The following ATP10B variants were observed in gnomAD, a reference collection of about 807,000 sequenced individuals.
ATP10B encodes the protein phospholipid-transporting ATPase VB.
A neutral mutation model predicts 141.2 loss-of-function variants in ATP10B; 122 were observed. The ratio of observed to expected loss-of-function variants is 0.86; its 90% confidence interval spans 0.75 to 1.00. The LOEUF (loss-of-function observed/expected upper bound fraction) is 1.00, where lower values mean the gene tolerates loss of function less well. Among genes scored for constraint, ATP10B ranks in the 50% least tolerant of loss-of-function variants. The probability of loss-of-function intolerance (pLI) is 0.00; values close to 1 mark genes in which losing one functional copy is unlikely to be tolerated. For missense variants in ATP10B, 1,876 were observed against 1,825.3 expected, an observed-to-expected ratio of 1.03 and a Z score of -0.51; for synonymous variants, 685 against 692.0, an observed-to-expected ratio of 0.99 and a Z score of 0.16.
At chr5:160,843,565 C>T (rs1381125535) in intron 1 of ATP10B, among the ~76,000 whole-genome samples, 2 of 151,124 alleles carry the variant, frequency 1.3e-5, no homozygotes, top group South Asian at 4.2e-4. Flanking sequence ...GCTTACCATG[C>T]AACTTAAAAG....
chr5:160,805,458 G>T (rs1772705960), intron 1 of ATP10B, among the ~76,000 whole-genome samples: 1 of 152,190 alleles, frequency 6.6e-6, no homozygotes, highest in African/African-American at 2.4e-5. Flanking sequence ...TAAGCTGTCT[G>T]CTCATTTTAG....
chr5:160,659,654 G>A (rs965576188), intron 7 of ATP10B, among the ~76,000 whole-genome samples: 1 of 151,920 alleles, frequency 6.6e-6, no homozygotes, highest in Non-Finnish European at 1.5e-5. Flanking sequence ...CCACATGCAA[G>A]TAGAAGACTG....
intron 2 of ATP10B, among the ~76,000 whole-genome samples, chr5:160,751,156 GC>G (rs1768125976): frequency 6.6e-6 from 1 of 152,178 alleles, no homozygotes; most frequent in Admixed American, 6.5e-5. Flanking sequence ...ACAGCACCAG[GC>G]CTGAAGTGGA....
the ATP10B span, among the ~76,000 whole-genome samples, chr5:160,928,836 T>C: frequency 6.6e-6 from 1 of 152,196 alleles, no homozygotes; most frequent in South Asian, 2.1e-4. Flanking sequence ...CTATAGACTG[T>C]CCAGACAGGC....
At chr5:160,663,351 A>G (rs1299175654) in intron 7 of ATP10B, among the ~76,000 whole-genome samples, 2 of 152,164 alleles carry the variant, frequency 1.3e-5, no homozygotes, top group African/African-American at 2.4e-5. Flanking sequence ...TATGTTTATT[A>G]CAGCACTATT....
chr5:160,885,948 A>G, the ATP10B span, among the ~76,000 whole-genome samples: 1 of 152,176 alleles, frequency 6.6e-6, no homozygotes, highest in African/African-American at 2.4e-5. Context: ...TCATTTTTGT[A>G]TCCTCCACAG....
intron 24 of ATP10B, among the ~76,000 whole-genome samples, chr5:160,576,224 G>C (rs1160905694): frequency 1.3e-5 from 2 of 152,130 alleles, no homozygotes; most frequent in East Asian, 3.9e-4. Context: ...TATCAGTCAG[G>C]GGAGAAGAGT....
chr5:160,625,331 T>C (rs540360854), intron 13 of ATP10B, among the ~76,000 whole-genome samples: 1 of 152,322 alleles, frequency 6.6e-6, no homozygotes, highest in South Asian at 2.1e-4. Flanking sequence ...GATGCGTTTG[T>C]ATATCTAATC....
chr5:160,776,626 C>A (rs1414725120), intron 2 of ATP10B, among the ~76,000 whole-genome samples: 1 of 152,202 alleles, frequency 6.6e-6, no homozygotes, highest in Non-Finnish European at 1.5e-5. Context: ...TCTGTGGATG[C>A]TCTATGCCTC....
chr5:160,873,300 G>T, the ATP10B span, among the ~76,000 whole-genome samples: 6 of 151,908 alleles, frequency 3.9e-5, no homozygotes, highest in East Asian at 9.6e-4. Flanking sequence ...CATTCTTCAC[G>T]GTGAAACTCA....
At chr5:160,775,741 C>T (rs976399683) in intron 2 of ATP10B, among the ~76,000 whole-genome samples, 5 of 137,846 alleles carry the variant, frequency 3.6e-5, no homozygotes, top group Non-Finnish European at 6.0e-5. Flanking sequence ...AGTGCAGTGG[C>T]GCGATCTCGG....
chr5:160,592,209 G>C (rs1756353192), intron 22 of ATP10B, among the ~76,000 whole-genome samples: 1 of 152,128 alleles, frequency 6.6e-6, no homozygotes, highest in Admixed American at 6.5e-5. Flanking sequence ...TCTAAGTTTT[G>C]CCTTCCCTAA....
chr5:160,619,138 A>G (rs1758181697), intron 15 of ATP10B, among the ~76,000 whole-genome samples: 1 of 152,206 alleles, frequency 6.6e-6, no homozygotes, highest in Non-Finnish European at 1.5e-5. Context: ...TTATTTTTAA[A>G]GACACCAGCT....
At chr5:160,854,173 A>G (rs10515816), upstream of ATP10B, among the ~76,000 whole-genome samples, 114,697 of 152,026 alleles carry the variant, frequency 0.75, 44,341 homozygotes, top group East Asian at 0.97. Context: ...AAGTGTTATT[A>G]GTGGTAATTT....
At chr5:160,897,856 G>C in the ATP10B span, among the ~76,000 whole-genome samples, 1 of 152,020 alleles carries the variant, frequency 6.6e-6, no homozygotes, top group Non-Finnish European at 1.5e-5. Context: ...TAGACCAATG[G>C]AACAGAACAG....
At chr5:160,765,299 C>T (rs1339242823) in intron 2 of ATP10B, among the ~76,000 whole-genome samples, 5 of 152,116 alleles carry the variant, frequency 3.3e-5, no homozygotes, top group Admixed American at 6.6e-5. Context: ...AATCTGGAGA[C>T]ATCACATTAA....
intron 3 of ATP10B, among the ~76,000 whole-genome samples, chr5:160,691,581 G>A (rs1309430489): frequency 6.6e-6 from 1 of 152,184 alleles, no homozygotes; most frequent in Non-Finnish European, 1.5e-5. Context: ...GTGGATGAGT[G>A]AATGTCAAGT....
chr5:160,835,340 C>A (rs1040048145), intron 1 of ATP10B, among the ~76,000 whole-genome samples: 1 of 151,952 alleles, frequency 6.6e-6, no homozygotes, highest in African/African-American at 2.4e-5. Context: ...TTGTTGTTGT[C>A]GGAAGAATGT....
chr5:160,615,098 G>T (rs1388938194), intron 17 of ATP10B, among the ~76,000 whole-genome samples: 1 of 152,162 alleles, frequency 6.6e-6, no homozygotes, highest in Non-Finnish European at 1.5e-5. Flanking sequence ...GCAGCAAGCA[G>T]CAGTTTTTGT....
Sources: allele counts gnomAD v4.1 joint callset (sites outside exome capture counted in the v4.1 genomes callset), GRCh38; gene constraint gnomAD v4.1.1; transcripts MANE v1.5; gene names NCBI Gene and HGNC (gene_info 2026-07-23, HGNC 2026-07-21).